DOCK2: variants seen among roughly 807,000 people sequenced by gnomAD.
DOCK2 encodes the protein dedicator of cytokinesis 2.
DOCK2 carries 87 observed loss-of-function variants against 248.9 expected under a neutral mutation model. The ratio of observed to expected loss-of-function variants is 0.35; its 90% CI spans 0.29 to 0.42. The LOEUF (loss-of-function observed/expected upper bound fraction) is 0.42. Ranked by LOEUF, DOCK2 falls within the 10% of genes least tolerant of loss-of-function variation. The pLI is 1.00. For synonymous variants in DOCK2, 805 were observed against 821.6 expected (o/e 0.98, Z 0.35); for missense variants, 1,747 against 2,300.2 (o/e 0.76, Z 4.92).
At chr5:170,033,836 C>T (rs1424295184) in intron 34 of DOCK2, among the ~76,000 whole-genome samples, 1 of 152,176 alleles carries the variant, frequency 6.6e-6, no homozygotes, top group African/African-American at 2.4e-5. Context: ...TTTTATAGAG[C>T]TTTTCATGCC....
chr5:169,777,362 C>A (rs1765443284), intron 25 of DOCK2, among the ~76,000 whole-genome samples: 1 of 152,200 alleles, frequency 6.6e-6, no homozygotes, highest in South Asian at 2.1e-4. Flanking sequence ...ATACCAAGCA[C>A]TTAAATGCGA....
chr5:169,718,919 A>C, intron 22 of DOCK2, 128 bp downstream of exon 22: 1 of 1,277,746 alleles, frequency 7.8e-7, no homozygotes, highest in Non-Finnish European at 1.1e-6. Flanking sequence ...CAGCTCAAGA[A>C]TCCAACCTAG....
At position 170,074,865 on chromosome 5, in the gene DOCK2, G is replaced by A. The variant is rs149745356; in HGVS notation, c.4729-1082G>A. On this transcript the variant is annotated intron_variant, in intron 46 of 51. Transcript: ENST00000520908. ...CTGTGTTTGGCCCCTCAGCTCACCC[G>A]CCTTCTCTGTAGTACCTGGTGCCTC... is the stretch of plus-strand genomic sequence containing the variant. 1.1e-3 allele frequency among the ~76,000 whole-genome samples: 175 copies of A among 152,180 alleles called. 1 individual carries two copies. Among genetic ancestry groups the A allele is most frequent in the African/African-American group, 3.9e-3 (161 of 41,526 alleles).
In DOCK2 at chr5:170,062,865, G is replaced by A. The variant is rs569738493; in HGVS notation, c.4468-4645G>A. ...ACACTCTTCCAGTGGCTACTTGGCA[G>A]CCTGGCTTCTACATAACTTCCACTG... On this transcript the variant is annotated intron_variant, in intron 44 of 51. Transcript: ENST00000520908. Among the ~76,000 whole-genome samples, 15 of 152,296 alleles carry A rather than the reference G, an allele frequency of 9.8e-5. No homozygotes were observed. The East Asian group carries it at 2.9e-3, about 29-fold the overall frequency.
At chr5:169,837,123 A>G (rs558059158) in intron 26 of DOCK2, among the ~76,000 whole-genome samples, 1 of 152,160 alleles carries the variant, frequency 6.6e-6, no homozygotes, top group Admixed American at 6.5e-5. Flanking sequence ...ATAAGACTTC[A>G]TTTGAAGTCC....
At chr5:169,955,502 C>A (rs1776828530) in intron 27 of DOCK2, among the ~76,000 whole-genome samples, 2 of 152,170 alleles carry the variant, frequency 1.3e-5, no homozygotes, top group Admixed American at 1.3e-4. Flanking sequence ...TACCTTACAT[C>A]TTTATACCTT....
chr5:169,939,203 C>CTTTTT (rs56040572), intron 27 of DOCK2, among the ~76,000 whole-genome samples: 3 of 143,724 alleles, frequency 2.1e-5, no homozygotes, highest in South Asian at 2.3e-4. Flanking sequence ...TGTGCCCGGC[C>CTTTTT]TTTTTTTTTT....
chr5:169,875,024 C>T (rs1034262139), intron 27 of DOCK2, among the ~76,000 whole-genome samples: 7 of 152,060 alleles, frequency 4.6e-5, no homozygotes, highest in African/African-American at 1.7e-4. Context: ...ACCCTAAAAT[C>T]AAAGCCAAGC....
chr5:169,983,304 C>A, intron 28 of DOCK2, 138 bp downstream of exon 28: 1 of 913,500 alleles, frequency 1.1e-6, no homozygotes, highest in Non-Finnish European at 1.7e-6. Flanking sequence ...GAATCACAGA[C>A]ATTTTGGGGT....
intron 37 of DOCK2, among the ~76,000 whole-genome samples, chr5:170,041,368 T>C (rs1161403269): frequency 6.6e-6 from 1 of 152,232 alleles, no homozygotes; most frequent in African/African-American, 2.4e-5. Context: ...CTCTTCGAGA[T>C]ACATTTTGCA....
At chr5:169,803,482 C>T (rs896956648) in intron 26 of DOCK2, among the ~76,000 whole-genome samples, 3 of 152,168 alleles carry the variant, frequency 2.0e-5, no homozygotes, top group Non-Finnish European at 2.9e-5. Context: ...TTTAAGATGG[C>T]TTGTCCACGT....
chr5:170,015,575 G>GTTTT (rs1755496934), intron 32 of DOCK2, among the ~76,000 whole-genome samples: 3 of 151,736 alleles, frequency 2.0e-5, no homozygotes, highest in Non-Finnish European at 4.4e-5. Flanking sequence ...TTTTTTGTTT[G>GTTTT]TTTGTTTGTT....
chr5:169,798,656 A>C (rs929288331), intron 25 of DOCK2, among the ~76,000 whole-genome samples: 1 of 152,078 alleles, frequency 6.6e-6, no homozygotes, highest in African/African-American at 2.4e-5. Flanking sequence ...TTTCCTGTCT[A>C]CTCAAGTCTG....
At chr5:169,972,886 G>A (rs148829636) in intron 27 of DOCK2, among the ~76,000 whole-genome samples, 1,904 of 152,186 alleles carry the variant, frequency 0.013, 33 homozygotes, top group Non-Finnish European at 0.018. Context: ...TTGCAAAGGG[G>A]CCACCTCCAA....
intron 27 of DOCK2, among the ~76,000 whole-genome samples, chr5:169,898,179 C>T (rs978833234): frequency 2.0e-5 from 3 of 152,202 alleles, no homozygotes; most frequent in Non-Finnish European, 2.9e-5. Flanking sequence ...ACTGAGGCTG[C>T]ATGAACAAGT....
intron 27 of DOCK2, among the ~76,000 whole-genome samples, chr5:169,846,265 A>G (rs372314429): frequency 6.6e-6 from 1 of 152,070 alleles, no homozygotes; most frequent in Admixed American, 6.6e-5. Flanking sequence ...CTTTTCAGGG[A>G]TAGGAACATT....
chr5:170,041,329 G>A (rs1397467611), intron 37 of DOCK2, among the ~76,000 whole-genome samples, 184 bp downstream of exon 37: 1 of 152,204 alleles, frequency 6.6e-6, no homozygotes, highest in Non-Finnish European at 1.5e-5. Context: ...GTGGTTTTGA[G>A]TGATCTTTAC....
intron 27 of DOCK2, among the ~76,000 whole-genome samples, chr5:169,873,894 C>G (rs1251371041): frequency 1.3e-5 from 2 of 152,154 alleles, no homozygotes; most frequent in African/African-American, 2.4e-5. Context: ...GAAGCCCTTG[C>G]TTTTCTCTTG....
intron 26 of DOCK2, among the ~76,000 whole-genome samples, chr5:169,809,221 C>T (rs1767588461): frequency 6.6e-5 from 10 of 152,144 alleles, no homozygotes; most frequent in Admixed American, 6.5e-4. Context: ...GAACTCCTGA[C>T]CTTAAGTGAT....
Sources: allele counts gnomAD v4.1 joint callset (sites outside exome capture counted in the v4.1 genomes callset), GRCh38; gene constraint gnomAD v4.1.1; transcripts MANE v1.5; gene names NCBI Gene and HGNC (gene_info 2026-07-23, HGNC 2026-07-21).